The following PTN variants were observed in gnomAD, a reference collection of about 807,000 sequenced individuals.
PTN encodes pleiotrophin, also known as heparin affin regulatory protein.
Under a neutral mutation model 24.1 loss-of-function variants are expected in PTN, and 18 were observed. That is an observed-to-expected ratio of 0.75 (90% CI 0.52 to 1.11). PTN has a LOEUF of 1.11. PTN is among the 50% of genes least tolerant of loss of function. PTN has a pLI of 0.00. For missense variants in PTN, 163 were observed against 198.8 expected, an observed-to-expected ratio of 0.82 and a Z score of 1.08; for synonymous variants, 78 against 68.6, an observed-to-expected ratio of 1.14 and a Z score of -0.67.
chr7:137,333,210 T>A (rs1412949944), intron 1 of PTN, among the ~76,000 whole-genome samples: 2 of 152,176 alleles, frequency 1.3e-5, no homozygotes, highest in African/African-American at 4.8e-5. Context: ...TGATGCCTGC[T>A]CCCTTTCACC....
chr7:137,253,354 T>G (rs1585013713), intron 3 of PTN, 110 bp downstream of exon 3: 1 of 1,178,140 alleles, frequency 8.5e-7, no homozygotes, highest in East Asian at 2.6e-5. Flanking sequence ...TTGTGTCTGG[T>G]AAGATAAAGT....
At chr7:137,279,881 T>C (rs529067412) in intron 1 of PTN, among the ~76,000 whole-genome samples, 19 of 152,250 alleles carry the variant, frequency 1.2e-4, no homozygotes, top group African/African-American at 4.1e-4. Flanking sequence ...ATAGTACAGG[T>C]CAAACATTAC....
At chr7:137,304,040 C>T (rs1462437910) in intron 1 of PTN, among the ~76,000 whole-genome samples, 1 of 151,986 alleles carries the variant, frequency 6.6e-6, no homozygotes, top group African/African-American at 2.4e-5. Context: ...GCACAATGTA[C>T]TTCAAGTCCA....
At chr7:137,301,896 G>A (rs886792440) in intron 1 of PTN, among the ~76,000 whole-genome samples, 24 of 151,906 alleles carry the variant, frequency 1.6e-4, no homozygotes, top group African/African-American at 5.8e-4. Context: ...TTACTCTTGT[G>A]TGTCAAAAAT....
chr7:137,285,124 T>C (rs1809533147), intron 1 of PTN, among the ~76,000 whole-genome samples: 1 of 152,200 alleles, frequency 6.6e-6, no homozygotes, highest in Admixed American at 6.5e-5. Flanking sequence ...CATTCCATTT[T>C]GGAGAAGCTC....
chr7:137,253,454 T>C lies in PTN; in HGVS notation c.289+10A>G, dbSNP rs780602903. ...AGAGTAGGAGATTAACTCAGTAGCA[T>C]GAGGCTTACCGCCAAATTGCTTCTT... On this transcript the variant is annotated intron_variant, in intron 3 of 4. Coordinates refer to ENST00000348225, the MANE Select transcript of PTN (RefSeq NM_002825.7). 1 of 1,596,922 alleles carries C rather than the reference T, an allele frequency of 6.3e-7. No homozygotes were observed. Among genetic ancestry groups the C allele is most frequent in the South Asian group, 1.1e-5 (1 of 89,058 alleles).
chr7:137,283,364 G>A (rs531050679), intron 1 of PTN, among the ~76,000 whole-genome samples: 8 of 152,074 alleles, frequency 5.3e-5, no homozygotes, highest in Non-Finnish European at 1.0e-4. Context: ...ATTTCCAGCC[G>A]ATTCAGTTCA....
chr7:137,310,511 C>A (rs1420403349), intron 1 of PTN, among the ~76,000 whole-genome samples: 2 of 151,644 alleles, frequency 1.3e-5, no homozygotes, highest in African/African-American at 4.9e-5. Flanking sequence ...GATTCTCCTG[C>A]CTCAGCCTCC....
intron 1 of PTN, among the ~76,000 whole-genome samples, chr7:137,304,672 A>G (rs1809858827): frequency 6.6e-6 from 1 of 152,048 alleles, no homozygotes; most frequent in Non-Finnish European, 1.5e-5. Flanking sequence ...AGCATAGCAC[A>G]TCTCTCCAAA....
chr7:137,331,120 G>T (rs1810351550), intron 1 of PTN, among the ~76,000 whole-genome samples: 1 of 152,100 alleles, frequency 6.6e-6, no homozygotes, highest in Admixed American at 6.6e-5. Flanking sequence ...TTGACATAAA[G>T]GGCTTCCATT....
At chr7:137,297,357 A>G (rs772450129) in intron 1 of PTN, among the ~76,000 whole-genome samples, 1 of 152,116 alleles carries the variant, frequency 6.6e-6, no homozygotes, top group South Asian at 2.1e-4. Flanking sequence ...ACAGAATGGA[A>G]GTTTTACACA....
intron 1 of PTN, among the ~76,000 whole-genome samples, chr7:137,317,951 A>T (rs1239306727): frequency 1.3e-5 from 2 of 152,132 alleles, no homozygotes; most frequent in Admixed American, 6.5e-5. Flanking sequence ...TCTAGACAAG[A>T]TAGACTTGAC....
intron 1 of PTN, among the ~76,000 whole-genome samples, chr7:137,265,148 A>G (rs1809118413): frequency 1.3e-5 from 2 of 152,300 alleles, no homozygotes; most frequent in Admixed American, 1.3e-4. Context: ...CTACTAAAAT[A>G]TTGAATTAAA....
intron 1 of PTN, among the ~76,000 whole-genome samples, chr7:137,278,746 C>G (rs936149071): frequency 1.3e-5 from 2 of 151,866 alleles, no homozygotes; most frequent in Non-Finnish European, 2.9e-5. Flanking sequence ...TTGAAACCAA[C>G]CTAGCCAACA....
intron 1 of PTN, among the ~76,000 whole-genome samples, chr7:137,290,526 T>G (rs1809623038): frequency 6.6e-6 from 1 of 152,182 alleles, no homozygotes; most frequent in Admixed American, 6.5e-5. Context: ...AAATAAATAA[T>G]GGTTATATTA....
At chr7:137,265,416 C>T (rs530638800) in intron 1 of PTN, among the ~76,000 whole-genome samples, 11 of 152,334 alleles carry the variant, frequency 7.2e-5, no homozygotes, top group East Asian at 1.9e-4. Context: ...CATCTGCTTG[C>T]GGATGAACAA....
At chr7:137,305,140 G>A (rs1809867607) in intron 1 of PTN, among the ~76,000 whole-genome samples, 1 of 151,986 alleles carries the variant, frequency 6.6e-6, no homozygotes, top group Non-Finnish European at 1.5e-5. Flanking sequence ...CTCTCAGTTT[G>A]AGAATGTTAG....
At chr7:137,250,622 TA>T (rs529609622) in intron 4 of PTN, among the ~76,000 whole-genome samples, 144 of 152,322 alleles carry the variant, frequency 9.5e-4, no homozygotes, top group Admixed American at 2.7e-3. Flanking sequence ...TTCATGGCCA[TA>T]ATGATTGTTT....
intron 1 of PTN, among the ~76,000 whole-genome samples, chr7:137,294,453 G>C (rs974051018): frequency 6.6e-6 from 1 of 152,088 alleles, no homozygotes; most frequent in African/African-American, 2.4e-5. Flanking sequence ...CAATAGCCTT[G>C]GTCCTGACAT....
Sources: gnomAD v4.1 joint callset for allele counts (sites outside exome capture counted in the v4.1 genomes callset) on GRCh38, gnomAD v4.1.1 for gene constraint, MANE v1.5 for transcripts, NCBI Gene and HGNC (gene_info 2026-07-23, HGNC 2026-07-21) for gene names.